Variants in SAXO2 observed in about 807,000 individuals in gnomAD.
The protein encoded by SAXO2 is family with sequence similarity 154, member B.
SAXO2 carries 17 observed loss-of-function variants against 18.7 expected under a neutral mutation model. The observed-to-expected ratio is 0.91, with a 90% CI of 0.62 to 1.36. The LOEUF is 1.36. SAXO2 is among the 40% of genes most tolerant of loss of function. The probability of loss-of-function intolerance (pLI) is 0.00; values close to 1 mark genes in which losing one functional copy is unlikely to be tolerated. For synonymous variants in SAXO2, 163 were observed against 181.2 expected, an observed-to-expected ratio of 0.90 and a Z score of 0.81; for missense variants, 486 against 562.6, an observed-to-expected ratio of 0.86 and a Z score of 1.38.
chr15:82,271,794 C>T lies in SAXO2; in HGVS notation c.425C>T (p.Thr142Ile), dbSNP rs1320055337. The change falls in exon 3 of 4, where the codon ACC becomes ATC. Residue 142 changes from threonine (T) to isoleucine (I), a missense_variant. Physicochemically the swap from Thr to Ile is moderately conservative, Grantham distance 89 (BLOSUM62 -1). Transcript: ENST00000682753. ...VKKGKLDTVP[T>I]YKDDYRAWDL... is the part of the protein sequence containing the mutation. ...AAAGGAAAATTGGACACTGTCCCAA[C>T]CTATAAAGGTAACTTGCTGTTTCAT... is the stretch of plus-strand genomic sequence containing the variant. 2 of 1,611,410 alleles carry T rather than the reference C, an allele frequency of 1.2e-6. No homozygotes were observed. The highest frequency in any genetic ancestry group is 1.7e-6 in the Non-Finnish European group (2 of 1,179,336).
At chr15:82,272,705 C>G (rs907450202) in intron 3 of SAXO2, among the ~76,000 whole-genome samples, 1 of 151,952 alleles carries the variant, frequency 6.6e-6, no homozygotes, top group Non-Finnish European at 1.5e-5. Context: ...CCACGCCCAG[C>G]TAATTTTTTG....
chr15:82,273,404 T>C (rs1322311171), intron 3 of SAXO2, among the ~76,000 whole-genome samples: 5 of 152,222 alleles, frequency 3.3e-5, no homozygotes, highest in African/African-American at 7.2e-5. Flanking sequence ...TAATGATTCA[T>C]ACTTTATTTA....
intron 2 of SAXO2, 27 bp from the exon 3 acceptor site, chr15:82,271,576 G>T (rs1388926470): frequency 1.3e-6 from 2 of 1,545,338 alleles, no homozygotes; most frequent in Non-Finnish European, 1.8e-6. Context: ...AACTTGTGAG[G>T]CTATGTTTCA....
chr15:82,266,074 G>T (rs2075214901), intron 2 of SAXO2, among the ~76,000 whole-genome samples: 1 of 151,614 alleles, frequency 6.6e-6, no homozygotes, highest in Non-Finnish European at 1.5e-5. Context: ...GGGCCACATT[G>T]GAAGAAGAAT....
intron 3 of SAXO2, chr15:82,272,130 C>G (rs2075277577): frequency 4.2e-6 from 1 of 236,296 alleles, no homozygotes; most frequent in African/African-American, 2.3e-5. Flanking sequence ...TGGCATTGTT[C>G]TTTTCTTCCC....
chr15:82,264,003 G>A (rs1472660605), intron 1 of SAXO2, among the ~76,000 whole-genome samples: 1 of 150,484 alleles, frequency 6.6e-6, no homozygotes, highest in East Asian at 1.9e-4. Context: ...ATTGTAAAAC[G>A]CCTTCATAAT....
In SAXO2 at chr15:82,271,797, A is replaced by G; in HGVS notation, c.428A>G (p.Tyr143Cys). 4.3e-6 allele frequency: 7 copies of G among 1,610,848 alleles called. No homozygotes were observed. Among genetic ancestry groups the G allele is most frequent in the Non-Finnish European group, 5.1e-6 (6 of 1,179,160 alleles). Reference sequence around the variant, plus strand: ...GGAAAATTGGACACTGTCCCAACCTATAAAGGTAACTTGCTGTTTCATACA... The same window carrying G: ...GGAAAATTGGACACTGTCCCAACCTGTAAAGGTAACTTGCTGTTTCATACA... ...KKGKLDTVPT[Y>C]KDDYRAWDLH... The change falls in exon 3 of 4, where the codon TAT becomes TGT. Residue 143 changes from tyrosine (Y) to cysteine (C), a missense_variant. By Grantham distance (194) the Tyr-to-Cys change is radical. Coordinates refer to ENST00000682753, the MANE Select transcript of SAXO2 (RefSeq NM_001348699.2).
chr15:82,275,012 T>G lies in SAXO2; in HGVS notation c.433+3210T>G, dbSNP rs922908367. Among the ~76,000 whole-genome samples, 4 of 151,584 alleles carry G rather than the reference T, an allele frequency of 2.6e-5. No individual in the cohort carries two copies. The East Asian group carries it at 5.8e-4, about 22-fold the overall frequency. On this transcript the variant is annotated intron_variant, in intron 3 of 3. Coordinates refer to ENST00000682753, the MANE Select transcript of SAXO2 (RefSeq NM_001348699.2). Reference sequence around the variant, plus strand: ...AGTTCATTTTTTGAAAAGATAAGATTGATAGACCACTAGCTAGATTAACAA... The same window carrying G: ...AGTTCATTTTTTGAAAAGATAAGATGGATAGACCACTAGCTAGATTAACAA...
At chr15:82,275,733 A>G (rs920547937) in intron 3 of SAXO2, among the ~76,000 whole-genome samples, 1 of 152,218 alleles carries the variant, frequency 6.6e-6, no homozygotes, top group Non-Finnish European at 1.5e-5. Context: ...ACATCACTTC[A>G]TGATAAAAAC....
intron 3 of SAXO2, among the ~76,000 whole-genome samples, chr15:82,275,765 A>G (rs1422656089): frequency 6.6e-6 from 1 of 152,190 alleles, no homozygotes; most frequent in South Asian, 2.1e-4. Context: ...TAGGCATTGA[A>G]GGAACATAAC....
At chr15:82,276,750 C>T (rs1283544061) in intron 3 of SAXO2, among the ~76,000 whole-genome samples, 7 of 151,572 alleles carry the variant, frequency 4.6e-5, no homozygotes, top group Non-Finnish European at 1.0e-4. Flanking sequence ...GTAAAAATAG[C>T]CTTTAAAAAT....
intron 3 of SAXO2, among the ~76,000 whole-genome samples, chr15:82,277,960 C>G (rs1203990933): frequency 1.3e-5 from 2 of 151,850 alleles, no homozygotes; most frequent in Non-Finnish European, 2.9e-5. Context: ...AGGCTGGAGA[C>G]CACAGAAAGT....
chr15:82,270,734 C>T (rs528465869), intron 2 of SAXO2, among the ~76,000 whole-genome samples: 22 of 152,196 alleles, frequency 1.4e-4, no homozygotes, highest in African/African-American at 3.9e-4. Context: ...TTACTATGTA[C>T]GAAGCAGTCT....
Position 82,265,761 on chromosome 15 carries a change from TA to T in SAXO2, c.233+15del. 6.6e-7 allele frequency: 1 copy of T among 1,512,600 alleles called. No individual in the cohort carries two copies. The highest frequency in any genetic ancestry group is 8.8e-7 in the Non-Finnish European group (1 of 1,135,686). The allele number at this position is 1,512,600 out of a possible 1,614,324, so 93.7% of individuals were successfully genotyped here. ...TAACTACATTTAAGTAAATATTTAG[TA>T]ACTATTTGCTTTACTTATTTTTCTC... On this transcript the variant is annotated intron_variant, in intron 2 of 3. Transcript: ENST00000682753.
chr15:82,263,421 C>T, intron 1 of SAXO2: 1 of 708,916 alleles, frequency 1.4e-6, no homozygotes, highest in East Asian at 2.7e-5. Context: ...CTTTGGGATC[C>T]GCCTGACTGA....
Position 82,262,843 on chromosome 15 carries a change from G to A in SAXO2, c.-37G>A. The A allele has an allele frequency of 6.4e-7, 1 of 1,559,622 alleles. No homozygotes were observed. Among genetic ancestry groups the A allele is most frequent in the African/African-American group, 1.4e-5 (1 of 73,270 alleles). On this transcript the variant is annotated 5_prime_UTR_variant, in exon 1 of 4. Coordinates refer to ENST00000682753, the MANE Select transcript of SAXO2 (RefSeq NM_001348699.2). ...GACTACGGCGGGCGCTGTGGGAGTGGAGAAGCTGCAAGTGCTGAGGCGCGG... is the reference window on the plus strand; with the variant it reads ...GACTACGGCGGGCGCTGTGGGAGTGAAGAAGCTGCAAGTGCTGAGGCGCGG...
At chr15:82,264,559 C>G in intron 1 of SAXO2, 1 of 664,246 alleles carries the variant, frequency 1.5e-6, no homozygotes, top group Non-Finnish European at 2.7e-6. Context: ...ATAACGTAAT[C>G]TCCTCTGGTT....
chr15:82,272,618 T>G (rs1453681466), intron 3 of SAXO2, among the ~76,000 whole-genome samples: 1 of 152,118 alleles, frequency 6.6e-6, no homozygotes, highest in Non-Finnish European at 1.5e-5. Flanking sequence ...CTTGGCCCAC[T>G]GCAACCTCCA....
intron 2 of SAXO2, among the ~76,000 whole-genome samples, chr15:82,270,795 T>G (rs2075264458): frequency 6.6e-6 from 1 of 152,152 alleles, no homozygotes. Flanking sequence ...TAGAAGATAT[T>G]ATTGTTCCAT....
Sources: gnomAD v4.1 joint callset for allele counts (sites outside exome capture counted in the v4.1 genomes callset) on GRCh38, gnomAD v4.1.1 for gene constraint, MANE v1.5 for transcripts, NCBI Gene and HGNC (gene_info 2026-07-23, HGNC 2026-07-21) for gene names.